PLD5: variants seen among roughly 807,000 people sequenced by gnomAD.
PLD5 encodes inactive phospholipase D5.
In PLD5, 36 loss-of-function variants were observed where a neutral mutation model predicts 61.1. That is an observed-to-expected ratio of 0.59 (90% CI 0.45 to 0.78). PLD5 has a LOEUF of 0.78. Among genes scored for constraint, PLD5 ranks in the 30% least tolerant of loss-of-function variants. PLD5 has a pLI of 0.00. For synonymous variants in PLD5, 243 were observed against 242.8 expected (o/e 1.00, Z -0.01); for missense variants, 515 against 644.4 (o/e 0.80, Z 2.17).
chr1:242,150,077 C>T (rs972995812), intron 5 of PLD5, among the ~76,000 whole-genome samples: 2 of 151,718 alleles, frequency 1.3e-5, no homozygotes, highest in African/African-American at 4.8e-5. Context: ...CCTAAGATTT[C>T]CTCTTCACAC....
chr1:242,456,398 C>T (rs1666945333), intron 1 of PLD5, among the ~76,000 whole-genome samples: 1 of 152,096 alleles, frequency 6.6e-6, no homozygotes, highest in South Asian at 2.1e-4. Flanking sequence ...TGGCTGGTGG[C>T]GACTGGACTG....
chr1:242,220,400 A>G (rs1470972117), intron 4 of PLD5, among the ~76,000 whole-genome samples: 1 of 152,228 alleles, frequency 6.6e-6, no homozygotes, highest in African/African-American at 2.4e-5. Context: ...TGACAAGACC[A>G]CGGCTTCTCA....
chr1:242,492,838 T>G (rs571221499), intron 1 of PLD5, among the ~76,000 whole-genome samples: 1 of 152,184 alleles, frequency 6.6e-6, no homozygotes, highest in South Asian at 2.1e-4. Context: ...AGAGAGAAAA[T>G]CACCCCTCTT....
At chr1:242,111,966 C>T (rs1661540212) in intron 7 of PLD5, among the ~76,000 whole-genome samples, 1 of 152,064 alleles carries the variant, frequency 6.6e-6, no homozygotes, top group South Asian at 2.1e-4. Context: ...ATCCTCCGTG[C>T]TAATTATTTA....
intron 1 of PLD5, among the ~76,000 whole-genome samples, chr1:242,414,919 A>T (rs760257135): frequency 2.0e-5 from 3 of 152,248 alleles, no homozygotes; most frequent in African/African-American, 4.8e-5. Flanking sequence ...GAAAAAGACC[A>T]ATCACGCTAT....
intron 1 of PLD5, among the ~76,000 whole-genome samples, chr1:242,492,177 C>A (rs549082098): frequency 2.6e-5 from 4 of 152,096 alleles, no homozygotes; most frequent in Non-Finnish European, 4.4e-5. Context: ...CTGCTGTTCA[C>A]CTCTCCTCCC....
intron 5 of PLD5, among the ~76,000 whole-genome samples, chr1:242,140,158 C>A (rs960015471): frequency 1.3e-5 from 2 of 152,180 alleles, no homozygotes; most frequent in East Asian, 1.9e-4. Context: ...TGCACACCAA[C>A]GTGTTCGGCA....
intron 1 of PLD5, among the ~76,000 whole-genome samples, chr1:242,501,809 T>TATATATATATATAC (rs1491464865): frequency 1.4e-5 from 2 of 145,728 alleles, no homozygotes; most frequent in African/African-American, 5.0e-5. Flanking sequence ...TATATATATA[T>TATATATATATATAC]ACACTACATC....
At chr1:242,154,913 A>G (rs1369263888) in intron 5 of PLD5, among the ~76,000 whole-genome samples, 1 of 152,164 alleles carries the variant, frequency 6.6e-6, no homozygotes, top group Non-Finnish European at 1.5e-5. Flanking sequence ...TAGTTTCAGA[A>G]GGAATGGTAC....
intron 3 of PLD5, among the ~76,000 whole-genome samples, chr1:242,267,888 TAA>T (rs552931193): frequency 1.4e-4 from 15 of 109,652 alleles, no homozygotes; most frequent in Non-Finnish European, 1.8e-4. Flanking sequence ...CTCCAAAAAT[TAA>T]AAAAAAAAAA....
At chr1:242,451,130 A>G (rs964872851) in intron 1 of PLD5, among the ~76,000 whole-genome samples, 1 of 152,164 alleles carries the variant, frequency 6.6e-6, no homozygotes, top group African/African-American at 2.4e-5. Flanking sequence ...GTGACCAGGA[A>G]AAAAAGCATT....
At chr1:242,108,309 C>T (rs1347749660) in intron 7 of PLD5, among the ~76,000 whole-genome samples, 4 of 152,162 alleles carry the variant, frequency 2.6e-5, no homozygotes, top group Admixed American at 6.5e-5. Flanking sequence ...TTCCTTTTCC[C>T]GACTGTCTTA....
intron 5 of PLD5, among the ~76,000 whole-genome samples, chr1:242,131,856 A>G (rs1663282858): frequency 8.2e-6 from 1 of 122,448 alleles, no homozygotes; most frequent in African/African-American, 3.2e-5. Context: ...TTTTTTTGAG[A>G]TGGAGTCTCA....
intron 5 of PLD5, among the ~76,000 whole-genome samples, chr1:242,190,959 A>C (rs979568233): frequency 2.6e-5 from 4 of 152,098 alleles, no homozygotes; most frequent in African/African-American, 9.7e-5. Context: ...AGGAGATGAA[A>C]AGGGGACAAG....
chr1:242,336,157 T>C (rs375680637), intron 2 of PLD5, among the ~76,000 whole-genome samples: 1 of 152,326 alleles, frequency 6.6e-6, no homozygotes, highest in African/African-American at 2.4e-5. Flanking sequence ...ATAAAGAATT[T>C]GATAATTTGT....
At chr1:242,158,092 G>C (rs746915434) in intron 5 of PLD5, among the ~76,000 whole-genome samples, 3 of 152,168 alleles carry the variant, frequency 2.0e-5, no homozygotes, top group Non-Finnish European at 4.4e-5. Context: ...GGACAGCTTT[G>C]TTTGTTTACA....
intron 2 of PLD5, among the ~76,000 whole-genome samples, chr1:242,303,592 T>C (rs1676183571): frequency 6.6e-6 from 1 of 152,254 alleles, no homozygotes; most frequent in South Asian, 2.1e-4. Flanking sequence ...TATCCTTGGA[T>C]TTATTTATTT....
intron 5 of PLD5, among the ~76,000 whole-genome samples, chr1:242,201,067 T>C (rs1279938619): frequency 6.6e-6 from 1 of 152,182 alleles, no homozygotes; most frequent in Non-Finnish European, 1.5e-5. Context: ...CATTTAACTT[T>C]GACTAAACAA....
chr1:242,473,162 C>T (rs975663882), intron 1 of PLD5, among the ~76,000 whole-genome samples: 3 of 152,172 alleles, frequency 2.0e-5, no homozygotes, highest in Non-Finnish European at 4.4e-5. Flanking sequence ...CAATACATCA[C>T]GGTGCTGCTG....
Sources: allele counts gnomAD v4.1 joint callset (sites outside exome capture counted in the v4.1 genomes callset), GRCh38; gene constraint gnomAD v4.1.1; transcripts MANE v1.5; gene names NCBI Gene and HGNC (gene_info 2026-07-23, HGNC 2026-07-21).